The following BLM variants were observed in gnomAD, a reference collection of about 807,000 sequenced individuals.
The protein encoded by BLM is recQ-like DNA helicase BLM.
In BLM, 95 loss-of-function variants were observed where a neutral mutation model predicts 135.3. The ratio of observed to expected loss-of-function variants is 0.70; its 90% CI spans 0.59 to 0.83. BLM has a LOEUF of 0.83. Among genes scored for constraint, BLM ranks in the 40% least tolerant of loss-of-function variants. The probability of loss-of-function intolerance (pLI) is 0.00; values close to 1 mark genes in which losing one functional copy is unlikely to be tolerated. For synonymous variants in BLM, 520 were observed against 589.2 expected (o/e 0.88, Z 1.70); for missense variants, 1,518 against 1,663.9 (o/e 0.91, Z 1.53).
chr15:90,719,256 G>T (rs1238370918), intron 1 of BLM, among the ~76,000 whole-genome samples: 1 of 152,118 alleles, frequency 6.6e-6, no homozygotes, highest in Non-Finnish European at 1.5e-5. Flanking sequence ...CTCCCAAGGT[G>T]CTGGGATTAC....
At chr15:90,729,773 G>A (rs942047945) in intron 1 of BLM, among the ~76,000 whole-genome samples, 9 of 152,064 alleles carry the variant, frequency 5.9e-5, no homozygotes, top group Non-Finnish European at 8.8e-5. Context: ...TCTTTGGATG[G>A]GTATGGGAGA....
intron 10 of BLM, 152 bp downstream of exon 10, chr15:90,767,175 G>T: frequency 1.8e-6 from 1 of 568,776 alleles, no homozygotes; most frequent in South Asian, 2.5e-5. Flanking sequence ...TACTATAATT[G>T]CTTTGTATTC....
intron 5 of BLM, among the ~76,000 whole-genome samples, chr15:90,755,521 T>C (rs924740178): frequency 2.6e-5 from 4 of 152,186 alleles, no homozygotes; most frequent in African/African-American, 9.6e-5. Context: ...CTAGTGTAAA[T>C]AATCAGATAG....
At chr15:90,773,731 CAT>C (rs1444294934) in intron 12 of BLM, among the ~76,000 whole-genome samples, 2 of 152,082 alleles carry the variant, frequency 1.3e-5, no homozygotes, top group Non-Finnish European at 2.9e-5. Flanking sequence ...AATCACATAA[CAT>C]GTGGCCTTTT....
chr15:90,731,340 C>G (rs1407642952), intron 1 of BLM, among the ~76,000 whole-genome samples: 2 of 152,198 alleles, frequency 1.3e-5, no homozygotes, highest in Non-Finnish European at 2.9e-5. Flanking sequence ...GAGTTTTTCA[C>G]TGAGGAGTTG....
chr15:90,808,939 A>T (rs1487393823), intron 19 of BLM, 198 bp from the exon 20 acceptor site: 2 of 677,942 alleles, frequency 3.0e-6, no homozygotes, highest in Non-Finnish European at 5.1e-6. Flanking sequence ...CTGGAATTGG[A>T]TGGTGGGTTC....
intron 1 of BLM, among the ~76,000 whole-genome samples, chr15:90,740,043 G>T (rs1412477445): frequency 6.6e-6 from 1 of 152,134 alleles, no homozygotes; most frequent in Non-Finnish European, 1.5e-5. Flanking sequence ...GGGATTACAG[G>T]CATGAGCTAC....
intron 21 of BLM, among the ~76,000 whole-genome samples, chr15:90,813,791 G>A (rs1347636317): frequency 6.6e-6 from 1 of 152,184 alleles, no homozygotes; most frequent in South Asian, 2.1e-4. Context: ...CCTTTCCACC[G>A]ACCCAGTGTG....
At position 90,760,764 on chromosome 15, in the gene BLM, C is replaced by T. The variant is rs1303724070; in HGVS notation, c.1391C>T (p.Ser464Phe). Reference protein sequence around the residue: ...NFSHLPSNSVSPGDCLLTTTL... With the variant: ...NFSHLPSNSVFPGDCLLTTTL... ...TCACACCTTCCCTCAAATTCTGTTT[C>T]TCCTGGGGACTGTTTACTGACTACC... The change falls in exon 7 of 22, where the codon TCT (serine) becomes TTT (phenylalanine). Residue 464 changes from serine to phenylalanine, a missense_variant. By Grantham distance (155) the Ser-to-Phe change is radical. Transcript: ENST00000355112. 1.2e-6 allele frequency: 2 copies of T among 1,614,034 alleles called. No individual in the cohort carries two copies. Among genetic ancestry groups the T allele is most frequent in the Non-Finnish European group, 1.7e-6 (2 of 1,179,992 alleles).
chr15:90,789,712 T>C (rs1201466773), intron 14 of BLM, among the ~76,000 whole-genome samples: 1 of 152,170 alleles, frequency 6.6e-6, no homozygotes, highest in African/African-American at 2.4e-5. Flanking sequence ...ATCATGTCAT[T>C]AGTCTCAGTC....
chr15:90,748,183 A>C (rs1895559221), intron 2 of BLM, among the ~76,000 whole-genome samples: 1 of 147,786 alleles, frequency 6.8e-6, no homozygotes, highest in African/African-American at 2.5e-5. Flanking sequence ...ATCTTAGCTC[A>C]CCGCAACCTC....
intron 8 of BLM, among the ~76,000 whole-genome samples, chr15:90,764,400 G>C (rs912771320): frequency 6.6e-6 from 1 of 151,406 alleles, no homozygotes; most frequent in Non-Finnish European, 1.5e-5. Flanking sequence ...CACCCATGCT[G>C]GAATACAGTG....
intron 12 of BLM, among the ~76,000 whole-genome samples, chr15:90,772,765 T>C (rs190484657): frequency 6.6e-6 from 1 of 152,104 alleles, no homozygotes; most frequent in Admixed American, 6.5e-5. Flanking sequence ...TCAGATCAAG[T>C]TTTGTAAAGG....
At chr15:90,790,261 T>C (rs1164585939) in intron 14 of BLM, 1 of 305,610 alleles carries the variant, frequency 3.3e-6, no homozygotes, top group Non-Finnish European at 6.3e-6. Flanking sequence ...GAGCAACACG[T>C]TGCTTGTGAT....
intron 14 of BLM, among the ~76,000 whole-genome samples, chr15:90,788,021 T>G (rs553891412): frequency 6.6e-6 from 1 of 151,640 alleles, no homozygotes; most frequent in South Asian, 2.1e-4. Context: ...GAATTATATA[T>G]TAAGACACAA....
intron 7 of BLM, among the ~76,000 whole-genome samples, chr15:90,761,659 G>T (rs986296943): frequency 6.6e-6 from 1 of 152,180 alleles, no homozygotes; most frequent in Non-Finnish European, 1.5e-5. Context: ...ATACAAAGTA[G>T]AGAAGCATGT....
chr15:90,735,613 AC>A (rs1470338585), intron 1 of BLM, among the ~76,000 whole-genome samples: 1 of 152,128 alleles, frequency 6.6e-6, no homozygotes, highest in Non-Finnish European at 1.5e-5. Context: ...TGCTGGGACA[AC>A]TTGTTAGCCA....
At chr15:90,783,060 AG>A in intron 13 of BLM, 132 bp downstream of exon 13, 3 of 694,964 alleles carry the variant, frequency 4.3e-6, no homozygotes, top group Middle Eastern at 2.5e-4. Context: ...TTTATAGAGC[AG>A]ACTATTGCAA....
intron 12 of BLM, 82 bp from the exon 13 acceptor site, chr15:90,782,740 G>T (rs923066629): frequency 3.7e-6 from 4 of 1,067,022 alleles, no homozygotes; most frequent in East Asian, 5.0e-5. Flanking sequence ...TAGGATTTTA[G>T]GGGGGACACA....
Sources: gnomAD v4.1 joint callset for allele counts (sites outside exome capture counted in the v4.1 genomes callset) on GRCh38, gnomAD v4.1.1 for gene constraint, MANE v1.5 for transcripts, NCBI Gene and HGNC (gene_info 2026-07-23, HGNC 2026-07-21) for gene names.